The following DSCAM variants were observed in gnomAD, a reference collection of about 807,000 sequenced individuals.
DSCAM encodes the protein DS cell adhesion molecule, also known as cell adhesion molecule DSCAM.
A neutral mutation model predicts 217.7 loss-of-function variants in DSCAM; 47 were observed. The ratio of observed to expected loss-of-function variants is 0.22; its 90% CI spans 0.17 to 0.28. The LOEUF (loss-of-function observed/expected upper bound fraction) is 0.28. Among genes scored for constraint, DSCAM ranks in the 10% least tolerant of loss-of-function variants. DSCAM has a pLI of 1.00. For missense variants in DSCAM, 2,080 were observed against 2,618.3 expected (o/e 0.79, Z 4.49); for synonymous variants, 1,056 against 1,015.3 (o/e 1.04, Z -0.76).
intron 1 of DSCAM, among the ~76,000 whole-genome samples, chr21:40,803,807 G>T (rs1291701777): frequency 6.6e-6 from 1 of 152,086 alleles, no homozygotes; most frequent in South Asian, 2.1e-4. Flanking sequence ...CCTGTGTCTG[G>T]ACCGTTGAGT....
At chr21:40,526,415 AG>A (rs2076400923) in intron 3 of DSCAM, among the ~76,000 whole-genome samples, 1 of 152,126 alleles carries the variant, frequency 6.6e-6, no homozygotes, top group Non-Finnish European at 1.5e-5. Context: ...TTCAGGGAGA[AG>A]GGGGTGAAGG....
chr21:40,815,270 C>T (rs925657878), intron 1 of DSCAM, among the ~76,000 whole-genome samples: 1 of 152,080 alleles, frequency 6.6e-6, no homozygotes, highest in African/African-American at 2.4e-5. Context: ...CAGACTGCCA[C>T]GAGATAAGGC....
chr21:40,303,625 C>T (rs895073223), intron 9 of DSCAM, among the ~76,000 whole-genome samples: 3 of 152,018 alleles, frequency 2.0e-5, no homozygotes, highest in Non-Finnish European at 2.9e-5. Flanking sequence ...ACCATGGTAT[C>T]CTCGGCACTC....
intron 3 of DSCAM, among the ~76,000 whole-genome samples, chr21:40,563,002 G>A (rs527275273): frequency 1.3e-5 from 2 of 152,276 alleles, no homozygotes; most frequent in Non-Finnish European, 2.9e-5. Flanking sequence ...GAGGCTACAT[G>A]TGCAGAATTT....
In DSCAM at chr21:40,011,010, T is replaced by A. The variant is rs2088048452; in HGVS notation, c.*2024A>T. On this transcript the variant is annotated 3_prime_UTR_variant, in exon 33 of 33. Coordinates refer to ENST00000400454, the MANE Select transcript of DSCAM (RefSeq NM_001389.5). ...TCTAGAGGCAGACATAATGTAGAAT[T>A]TTTTTATTTTTGTACAGGTTGAGAG... 1 of 152,192 alleles carries A rather than the reference T, an allele frequency of 6.6e-6. No homozygotes were observed. Among genetic ancestry groups the A allele is most frequent in the African/African-American group, 2.4e-5 (1 of 41,446 alleles). 9.4% of individuals were successfully genotyped at this position (152,192 alleles called of 1,614,324 possible).
At chr21:40,160,981 T>C (rs2090534823) in intron 16 of DSCAM, among the ~76,000 whole-genome samples, 1 of 152,150 alleles carries the variant, frequency 6.6e-6, no homozygotes, top group South Asian at 2.1e-4. Flanking sequence ...GCTTTTTCAG[T>C]GGGGTTTGAA....
intron 32 of DSCAM, among the ~76,000 whole-genome samples, chr21:40,018,891 C>G (rs1291731385): frequency 6.6e-6 from 1 of 152,174 alleles, no homozygotes; most frequent in African/African-American, 2.4e-5. Context: ...CTGATTGATC[C>G]AGTTTTTCAG....
intron 2 of DSCAM, among the ~76,000 whole-genome samples, chr21:40,698,869 T>TA (rs56775350): frequency 0.066 from 7,076 of 107,612 alleles, 306 homozygotes; most frequent in Admixed American, 0.09. Flanking sequence ...GAATCCGTCT[T>TA]AAAAAAAAAA....
chr21:40,518,037 T>C (rs1435782692), intron 3 of DSCAM, among the ~76,000 whole-genome samples: 1 of 151,842 alleles, frequency 6.6e-6, no homozygotes, highest in African/African-American at 2.4e-5. Context: ...GGGTGCTTCA[T>C]GCAGAGGGTG....
intron 3 of DSCAM, among the ~76,000 whole-genome samples, chr21:40,411,869 T>C (rs2075326393): frequency 6.6e-6 from 1 of 152,202 alleles, no homozygotes; most frequent in African/African-American, 2.4e-5. Context: ...CTAATATGGT[T>C]TGGCTCTGTG....
At chr21:40,559,016 C>T (rs2076694797) in intron 3 of DSCAM, among the ~76,000 whole-genome samples, 1 of 152,184 alleles carries the variant, frequency 6.6e-6, no homozygotes, top group South Asian at 2.1e-4. Context: ...CTCCAGAAAA[C>T]AGGCTTTATT....
intron 3 of DSCAM, among the ~76,000 whole-genome samples, chr21:40,620,182 GAA>G (rs1359393678): frequency 3.0e-5 from 2 of 67,090 alleles, no homozygotes; most frequent in Non-Finnish European, 6.0e-5. Context: ...GAAAGAGAGA[GAA>G]AAAAGAAAAA....
At chr21:40,037,211 A>T (rs2146462403) in intron 32 of DSCAM, among the ~76,000 whole-genome samples, 1 of 149,452 alleles carries the variant, frequency 6.7e-6, no homozygotes, top group Admixed American at 6.6e-5. Flanking sequence ...AAGTAGGAAA[A>T]GAGGAAGTCA....
At chr21:40,392,495 T>C (rs768209208) in intron 3 of DSCAM, among the ~76,000 whole-genome samples, 4 of 152,172 alleles carry the variant, frequency 2.6e-5, no homozygotes, top group Non-Finnish European at 5.9e-5. Context: ...CCTAAGAAAC[T>C]AACCAACACG....
At chr21:40,633,785 C>T (rs2089722130) in intron 3 of DSCAM, among the ~76,000 whole-genome samples, 1 of 152,106 alleles carries the variant, frequency 6.6e-6, no homozygotes, top group African/African-American at 2.4e-5. Flanking sequence ...ATTTTGAGAG[C>T]GTGTTCAATG....
chr21:40,331,129 C>G (rs774780458), intron 8 of DSCAM, among the ~76,000 whole-genome samples: 3 of 152,196 alleles, frequency 2.0e-5, no homozygotes, highest in East Asian at 1.9e-4. Context: ...GCAAGTAACT[C>G]CAGTATCTAG....
chr21:40,640,500 T>C (rs972969173), intron 3 of DSCAM, among the ~76,000 whole-genome samples: 5 of 152,318 alleles, frequency 3.3e-5, no homozygotes, highest in East Asian at 1.9e-4. Context: ...AACTGCATTA[T>C]GAAATTTTAA....
At chr21:40,727,884 C>T (rs2090973200) in intron 1 of DSCAM, among the ~76,000 whole-genome samples, 1 of 152,202 alleles carries the variant, frequency 6.6e-6, no homozygotes, top group African/African-American at 2.4e-5. Context: ...GGGGATCCCA[C>T]CGCAGCCACA....
In DSCAM at chr21:40,085,717, A is replaced by G. The variant is rs1293198288; in HGVS notation, c.4017T>C (p.Phe1339=). Residue 1339 remains phenylalanine, a synonymous_variant, in exon 23 of 33, where the codon TTT becomes TTC. Coordinates refer to ENST00000400454, the MANE Select transcript of DSCAM (RefSeq NM_001389.5). ...TGCGAATAATGAAGCTTCCGTTGCT[A>G]AAGATGCTCCTCCGCCCATCAATCG... The part of the protein sequence containing the change: ...LVTIDGRRSI[F]SNGSFIIRTV... The G allele has an allele frequency of 1.3e-6, 2 of 1,585,056 alleles. No individual in the cohort carries two copies. Among genetic ancestry groups the G allele is most frequent in the African/African-American group, 1.3e-5 (1 of 74,614 alleles).
Sources: allele counts gnomAD v4.1 joint callset (sites outside exome capture counted in the v4.1 genomes callset), GRCh38; gene constraint gnomAD v4.1.1; transcripts MANE v1.5; gene names NCBI Gene and HGNC (gene_info 2026-07-23, HGNC 2026-07-21).